The following RAPGEF4 variants were observed in gnomAD, a reference collection of about 807,000 sequenced individuals.
The protein encoded by RAPGEF4 is Rap guanine nucleotide exchange factor 4, also known as RAP guanine-nucleotide-exchange factor (GEF) 4.
A neutral mutation model predicts 147.9 loss-of-function variants in RAPGEF4; 66 were observed. The ratio of observed to expected loss-of-function variants is 0.45; its 90% confidence interval spans 0.37 to 0.55. The LOEUF (loss-of-function observed/expected upper bound fraction) is 0.55. Among genes scored for constraint, RAPGEF4 ranks in the 20% least tolerant of loss-of-function variants. RAPGEF4 has a pLI of 0.00. For synonymous variants in RAPGEF4, 419 were observed against 442.7 expected, an observed-to-expected ratio of 0.95 and a Z score of 0.67; for missense variants, 1,071 against 1,257.3, an observed-to-expected ratio of 0.85 and a Z score of 2.24.
At chr2:173,002,950 G>T (rs997224845) in intron 17 of RAPGEF4, among the ~76,000 whole-genome samples, 1 of 152,004 alleles carries the variant, frequency 6.6e-6, no homozygotes, top group Non-Finnish European at 1.5e-5. Context: ...AACTCCATAC[G>T]CACTAATCAT....
chr2:172,793,408 C>T (rs922116850), intron 1 of RAPGEF4, among the ~76,000 whole-genome samples: 2 of 152,162 alleles, frequency 1.3e-5, no homozygotes, highest in Non-Finnish European at 2.9e-5. Flanking sequence ...AGAGAGGCCC[C>T]CGGCTCTTAT....
chr2:173,019,673 C>T (rs999325535), intron 22 of RAPGEF4, among the ~76,000 whole-genome samples: 17 of 152,174 alleles, frequency 1.1e-4, no homozygotes, highest in Admixed American at 7.9e-4. Flanking sequence ...ATTTTAAGAT[C>T]TCCCTTCCAT....
chr2:172,735,995 G>A lies in RAPGEF4; in HGVS notation c.12G>A (p.Ala4=), dbSNP rs1559012907. The change falls in exon 1 of 31, where the codon GCG becomes GCA. Residue 4 remains alanine, a synonymous_variant. Coordinates refer to ENST00000397081, the MANE Select transcript of RAPGEF4 (RefSeq NM_007023.4). Reference sequence around the variant, plus strand: ...CGCCGCCGCTCAACATGGTCGCTGCGCACGCTGCCCATTCTTCCTCCTCTG... The same window carrying A: ...CGCCGCCGCTCAACATGGTCGCTGCACACGCTGCCCATTCTTCCTCCTCTG... MVA[A]HAAHSSSSAE... 1 of 1,476,896 alleles carries A rather than the reference G, an allele frequency of 6.8e-7. No individual in the cohort carries two copies. The highest frequency in any genetic ancestry group is 9.0e-7 in the Non-Finnish European group (1 of 1,112,454). The allele number at this position is 1,476,896 out of a possible 1,614,324, so 91.5% of individuals were successfully genotyped here. A position where few individuals can be genotyped will look rare whatever the true frequency, so the allele number is the denominator to read the frequency against.
chr2:172,791,838 G>A (rs746439462), intron 1 of RAPGEF4, among the ~76,000 whole-genome samples: 3 of 152,132 alleles, frequency 2.0e-5, no homozygotes, highest in East Asian at 1.9e-4. Context: ...CTGTTTTCTC[G>A]TGAGTGTCAG....
In RAPGEF4 at chr2:173,027,188, T is replaced by G. The variant is rs965512251; in HGVS notation, c.2487T>G (p.Thr829=). The G allele has an allele frequency of 6.2e-6, 10 of 1,613,652 alleles. No homozygotes were observed. The African/African-American group carries it at 1.1e-4, about 17-fold the overall frequency. ...RFNEIQFWVV[T]EICLCSQLSK... is the part of the protein sequence containing the mutation. ...ATGAAATTCAGTTTTGGGTCGTCAC[T>G]GAGATCTGCCTTTGTTCTCAGCTCA... The change falls in exon 25 of 31, where the codon ACT becomes ACG. Residue 829 remains threonine, a synonymous_variant. Transcript: ENST00000397081.
At chr2:173,039,519 G>C (rs549644074) in intron 29 of RAPGEF4, among the ~76,000 whole-genome samples, 1 of 151,816 alleles carries the variant, frequency 6.6e-6, no homozygotes, top group South Asian at 2.1e-4. Context: ...ATGCGATCAG[G>C]GCCCCAGGCT....
At chr2:172,829,978 A>G (rs1428587449) in intron 4 of RAPGEF4, among the ~76,000 whole-genome samples, 3 of 151,860 alleles carry the variant, frequency 2.0e-5, no homozygotes, top group African/African-American at 7.3e-5. Context: ...TATATTCCAT[A>G]TATAATACAT....
chr2:172,814,226 A>G (rs1435862155), intron 3 of RAPGEF4, 53 bp from the exon 4 acceptor site: 3 of 1,581,660 alleles, frequency 1.9e-6, no homozygotes, highest in African/African-American at 1.4e-5. Context: ...AAAAGAAAAC[A>G]CCTACCCATT....
chr2:172,810,192 T>A (rs1327755581), intron 3 of RAPGEF4, among the ~76,000 whole-genome samples: 1 of 152,224 alleles, frequency 6.6e-6, no homozygotes, highest in Non-Finnish European at 1.5e-5. Flanking sequence ...TTACTAGCCA[T>A]CGTCTTGGGC....
At chr2:173,007,919 C>T (rs972955117) in intron 17 of RAPGEF4, among the ~76,000 whole-genome samples, 1 of 152,170 alleles carries the variant, frequency 6.6e-6, no homozygotes, top group African/African-American at 2.4e-5. Flanking sequence ...TATGCTTAAC[C>T]TCTCCAAGCC....
At chr2:172,781,391 C>T (rs906405861) in intron 1 of RAPGEF4, among the ~76,000 whole-genome samples, 1 of 152,002 alleles carries the variant, frequency 6.6e-6, no homozygotes, top group South Asian at 2.1e-4. Context: ...CACCTGTAAT[C>T]CCAGCACTTT....
chr2:172,924,692 T>G (rs565331461), intron 6 of RAPGEF4, among the ~76,000 whole-genome samples: 1 of 152,326 alleles, frequency 6.6e-6, no homozygotes, highest in East Asian at 1.9e-4. Flanking sequence ...AGCCTTAAAG[T>G]GGTGTTAATT....
At chr2:172,992,169 C>T (rs996795886) in intron 15 of RAPGEF4, among the ~76,000 whole-genome samples, 12 of 152,118 alleles carry the variant, frequency 7.9e-5, no homozygotes, top group African/African-American at 2.7e-4. Context: ...CACTCCATAT[C>T]GAAAGAACTG....
At chr2:173,044,160 AGGAGCG>A (rs1685123168) in intron 29 of RAPGEF4, among the ~76,000 whole-genome samples, 2 of 151,456 alleles carry the variant, frequency 1.3e-5, no homozygotes, top group Non-Finnish European at 1.5e-5. Flanking sequence ...ATGCTAACTA[AGGAGCG>A]GGTTTTTCAC....
chr2:173,009,605 A>G (rs1694820251), intron 17 of RAPGEF4, among the ~76,000 whole-genome samples: 1 of 152,218 alleles, frequency 6.6e-6, no homozygotes, highest in Admixed American at 6.5e-5. Flanking sequence ...AAAATCTGAA[A>G]TCCAAAACCA....
chr2:172,761,742 A>G (rs114152983), intron 1 of RAPGEF4, among the ~76,000 whole-genome samples: 2,653 of 152,308 alleles, frequency 0.017, 95 homozygotes, highest in African/African-American at 0.06. Context: ...ATAACTTGCA[A>G]AACAGAAATG....
intron 1 of RAPGEF4, among the ~76,000 whole-genome samples, chr2:172,764,140 G>A (rs900878020): frequency 2.6e-5 from 4 of 151,946 alleles, no homozygotes; most frequent in African/African-American, 9.7e-5. Context: ...TGTGGTCCCA[G>A]CTACTCAGGA....
chr2:172,804,562 C>G (rs138765429), intron 3 of RAPGEF4, among the ~76,000 whole-genome samples: 1 of 152,140 alleles, frequency 6.6e-6, no homozygotes, highest in Non-Finnish European at 1.5e-5. Flanking sequence ...AGCCTGGGAA[C>G]GGGGAGTACC....
intron 4 of RAPGEF4, among the ~76,000 whole-genome samples, chr2:172,840,178 G>C (rs1691423997): frequency 6.6e-6 from 1 of 152,130 alleles, no homozygotes; most frequent in South Asian, 2.1e-4. Flanking sequence ...TTAAGGATCT[G>C]TGTTCGCTAG....
Sources: allele counts gnomAD v4.1 joint callset (sites outside exome capture counted in the v4.1 genomes callset), GRCh38; gene constraint gnomAD v4.1.1; transcripts MANE v1.5; gene names NCBI Gene and HGNC (gene_info 2026-07-23, HGNC 2026-07-21).